Variants in ULK4 observed in about 807,000 individuals in gnomAD.
ULK4 encodes the protein unc-51 like kinase 4.
A neutral mutation model predicts 160.6 loss-of-function variants in ULK4; 133 were observed. The observed-to-expected ratio is 0.83, with a 90% CI of 0.72 to 0.96. The LOEUF (loss-of-function observed/expected upper bound fraction) is 0.96. Among genes scored for constraint, ULK4 ranks in the 40% least tolerant of loss-of-function variants. The pLI is 0.00. For synonymous variants in ULK4, 534 were observed against 539.8 expected, an observed-to-expected ratio of 0.99 and a Z score of 0.15; for missense variants, 1,580 against 1,499.5, an observed-to-expected ratio of 1.05 and a Z score of -0.89.
At chr3:41,643,071 A>C (rs1361747990) in intron 30 of ULK4, among the ~76,000 whole-genome samples, 1 of 152,090 alleles carries the variant, frequency 6.6e-6, no homozygotes, top group Non-Finnish European at 1.5e-5. Flanking sequence ...CTTTGAGTTC[A>C]TTGTAGATTC....
chr3:41,666,126 C>T (rs1575547148), intron 29 of ULK4, among the ~76,000 whole-genome samples: 1 of 152,156 alleles, frequency 6.6e-6, no homozygotes, highest in East Asian at 1.9e-4. Context: ...GAGAAGCTCA[C>T]CTGAGCCTTG....
rs753073967 is a variant in ULK4, at chr3:41,896,979, T to C, written c.1373A>G (p.Asp458Gly). Residue 458 changes from aspartate to glycine, a missense_variant, in exon 15 of 37, where the codon GAT (aspartate) becomes GGT (glycine). Coordinates refer to ENST00000301831, the MANE Select transcript of ULK4 (RefSeq NM_017886.4). The part of the protein sequence containing the change: ...YSVDKLLFLK[D>G]QDWNDFLQQV... ...TTGCAAAAAGTCATTCCAATCTTGA[T>C]CTTTCAGAAATAATAACTTATCCAC... 3 of 1,612,520 alleles carry C rather than the reference T, an allele frequency of 1.9e-6. No individual in the cohort carries two copies. Among genetic ancestry groups the C allele is most frequent in the South Asian group, 1.1e-5 (1 of 90,974 alleles).
chr3:41,711,368 G>A (rs1218172218), intron 25 of ULK4, among the ~76,000 whole-genome samples: 1 of 152,052 alleles, frequency 6.6e-6, no homozygotes, highest in Non-Finnish European at 1.5e-5. Context: ...GAAGCAGTGT[G>A]TGCCAGCGCT....
intron 35 of ULK4, among the ~76,000 whole-genome samples, chr3:41,298,773 C>T (rs553553419): frequency 3.9e-5 from 6 of 152,312 alleles, no homozygotes; most frequent in Admixed American, 3.3e-4. Context: ...ACTGAGAAGT[C>T]AGGATGGGCA....
intron 32 of ULK4, among the ~76,000 whole-genome samples, chr3:41,544,534 T>C (rs964196948): frequency 2.5e-4 from 38 of 152,218 alleles, no homozygotes; most frequent in Non-Finnish European, 1.5e-4. Context: ...AGGAATAAAT[T>C]AGGAGTTTTG....
intron 35 of ULK4, among the ~76,000 whole-genome samples, chr3:41,381,212 T>A (rs1346655797): frequency 1.3e-5 from 2 of 152,160 alleles, no homozygotes; most frequent in Non-Finnish European, 2.9e-5. Context: ...CCAAAACTAC[T>A]CATTTCTTTG....
intron 35 of ULK4, among the ~76,000 whole-genome samples, chr3:41,383,562 G>A (rs1203136300): frequency 1.3e-5 from 2 of 152,028 alleles, no homozygotes; most frequent in South Asian, 2.1e-4. Flanking sequence ...AGTTGGTGAT[G>A]GTCAAAATGA....
At chr3:41,335,631 A>C (rs911844103) in intron 35 of ULK4, among the ~76,000 whole-genome samples, 3 of 152,186 alleles carry the variant, frequency 2.0e-5, no homozygotes, top group African/African-American at 7.2e-5. Context: ...GTTGAAGAAC[A>C]CTGCCTGATG....
chr3:41,906,468 G>A (rs1367688013), intron 12 of ULK4, among the ~76,000 whole-genome samples: 1 of 152,150 alleles, frequency 6.6e-6, no homozygotes, highest in South Asian at 2.1e-4. Flanking sequence ...GGTCCTGGCT[G>A]CAGTGAGCTA....
At chr3:41,551,641 C>T (rs1411614722) in intron 32 of ULK4, among the ~76,000 whole-genome samples, 3 of 151,794 alleles carry the variant, frequency 2.0e-5, no homozygotes, top group African/African-American at 2.4e-5. Context: ...AATCTTCCAG[C>T]AAAGAAAAGT....
At chr3:41,627,841 G>C (rs1405421894) in intron 30 of ULK4, among the ~76,000 whole-genome samples, 1 of 152,178 alleles carries the variant, frequency 6.6e-6, no homozygotes, top group Non-Finnish European at 1.5e-5. Flanking sequence ...CGTGAGCCTT[G>C]AAAGACTGTA....
intron 17 of ULK4, among the ~76,000 whole-genome samples, chr3:41,853,082 C>G (rs1249721506): frequency 6.6e-6 from 1 of 152,188 alleles, no homozygotes; most frequent in East Asian, 1.9e-4. Context: ...GCTACAATTT[C>G]CCCAGCATAC....
intron 5 of ULK4, among the ~76,000 whole-genome samples, chr3:41,921,128 C>G (rs1328297896): frequency 6.6e-6 from 1 of 151,012 alleles, no homozygotes; most frequent in Non-Finnish European, 1.5e-5. Context: ...CCTGGCCAAC[C>G]TGGTGAAACC....
intron 34 of ULK4, among the ~76,000 whole-genome samples, chr3:41,446,825 T>C (rs1323560788): frequency 6.6e-6 from 1 of 151,664 alleles, no homozygotes; most frequent in African/African-American, 2.4e-5. Context: ...CATGTATATA[T>C]ATGTAACAAA....
At chr3:41,711,947 C>T (rs1217178437) in intron 25 of ULK4, among the ~76,000 whole-genome samples, 1 of 152,186 alleles carries the variant, frequency 6.6e-6, no homozygotes, top group African/African-American at 2.4e-5. Context: ...AGTAAGACAA[C>T]AGGCTGCTTC....
At chr3:41,305,856 G>A (rs1260365938) in intron 35 of ULK4, among the ~76,000 whole-genome samples, 2 of 146,620 alleles carry the variant, frequency 1.4e-5, no homozygotes, top group African/African-American at 5.2e-5. Flanking sequence ...GATGTGGGGA[G>A]CGCCTCTGCC....
chr3:41,383,493 G>A (rs1039491252), intron 35 of ULK4, among the ~76,000 whole-genome samples: 1 of 152,160 alleles, frequency 6.6e-6, no homozygotes, highest in Non-Finnish European at 1.5e-5. Context: ...TGACACTAAA[G>A]ACATCCCAAA....
At chr3:41,550,641 GTATTA>G (rs2087027895) in intron 32 of ULK4, among the ~76,000 whole-genome samples, 1 of 152,030 alleles carries the variant, frequency 6.6e-6, no homozygotes, top group Admixed American at 6.5e-5. Flanking sequence ...GGTATATAAA[GTATTA>G]GATCTAAGGG....
intron 21 of ULK4, among the ~76,000 whole-genome samples, chr3:41,782,954 C>T (rs1005688943): frequency 6.6e-6 from 1 of 150,652 alleles, no homozygotes; most frequent in Non-Finnish European, 1.5e-5. Flanking sequence ...CTTAAACACA[C>T]ATTCGTAACA....
Sources: gnomAD v4.1 joint callset for allele counts (sites outside exome capture counted in the v4.1 genomes callset) on GRCh38, gnomAD v4.1.1 for gene constraint, MANE v1.5 for transcripts, NCBI Gene and HGNC (gene_info 2026-07-23, HGNC 2026-07-21) for gene names.